The following IP6K3 variants were observed in gnomAD, a reference collection of about 807,000 sequenced individuals.
IP6K3 encodes the protein inositol hexakisphosphate kinase 3.
Under a neutral mutation model 28.8 loss-of-function variants are expected in IP6K3, and 20 were observed. That is an observed-to-expected ratio of 0.70 (90% CI 0.49 to 1.01). IP6K3 has a LOEUF of 1.01. IP6K3 is among the 50% of genes least tolerant of loss of function. IP6K3 has a pLI of 0.00. For missense variants in IP6K3, 480 were observed against 537.1 expected (o/e 0.89, Z 1.05); for synonymous variants, 213 against 221.3 (o/e 0.96, Z 0.33).
intron 1 of IP6K3, among the ~76,000 whole-genome samples, chr6:33,745,975 T>C (rs1766893727): frequency 6.6e-6 from 1 of 152,140 alleles, no homozygotes; most frequent in African/African-American, 2.4e-5. Context: ...GGGTAGCTTT[T>C]TAAAAATGTA....
intron 2 of IP6K3, among the ~76,000 whole-genome samples, chr6:33,732,842 C>T (rs376292275): frequency 3.3e-5 from 5 of 152,332 alleles, no homozygotes; most frequent in East Asian, 1.9e-4. Context: ...CCCGAGAGCC[C>T]TTTCAGGGAC....
In IP6K3 at chr6:33,735,341, G is replaced by A. The variant is rs772078720; in HGVS notation, c.136C>T (p.Arg46Trp). 21 of 1,607,380 alleles carry A rather than the reference G, an allele frequency of 1.3e-5. No individual in the cohort carries two copies. The highest frequency in any genetic ancestry group is 6.7e-5 in the Admixed American group (4 of 59,320). ...EHTVCKPLVS[R>W]EQRFYESLPL... The stretch of plus-strand genomic sequence containing the variant: ...AGGGATTCATAGAACCTCTGCTCCC[G>A]GGAGACGAGGGGCTTGCACACCGTA... The change falls in exon 2 of 6, where the codon CGG becomes TGG. Residue 46 changes from arginine to tryptophan, a missense_variant. Coordinates refer to ENST00000293756, the MANE Select transcript of IP6K3 (RefSeq NM_054111.5).
At position 33,728,237 on chromosome 6, in the gene IP6K3, AC is replaced by A. The variant is rs778427618; in HGVS notation, c.262del (p.Val88Ter). The A allele has an allele frequency of 9.3e-6, 15 of 1,613,964 alleles. No homozygotes were observed. The highest frequency in any genetic ancestry group is 1.3e-5 in the Non-Finnish European group (15 of 1,180,016). On this transcript the variant is annotated frameshift_variant, in exon 3 of 6. Coordinates refer to ENST00000293756, the MANE Select transcript of IP6K3 (RefSeq NM_054111.5). LOFTEE classifies it high-confidence loss of function. Reference protein sequence around the residue: ...TGHLSLVANPVKESQEPFKVS... With the variant: ...TGHLSLVANPXKESQEPFKVS... Reference sequence around the variant, plus strand: ...CTTGAAGGGCTCCTGGCTCTCCTTCACTGGGTTGGCAACCAAGCTGAGATGG... The same window carrying A: ...CTTGAAGGGCTCCTGGCTCTCCTTCATGGGTTGGCAACCAAGCTGAGATGG...
At chr6:33,761,286 T>A in the IP6K3 span, among the ~76,000 whole-genome samples, 1 of 152,032 alleles carries the variant, frequency 6.6e-6, no homozygotes, top group African/African-American at 2.4e-5. Context: ...CAGGGACCCA[T>A]GCCCTCTCTG....
At chr6:33,733,653 G>A (rs1416156028) in intron 2 of IP6K3, among the ~76,000 whole-genome samples, 3 of 152,262 alleles carry the variant, frequency 2.0e-5, no homozygotes, top group Non-Finnish European at 4.4e-5. Flanking sequence ...AAGATGGGAA[G>A]TGACCCCACA....
chr6:33,726,906 G>T lies in IP6K3; in HGVS notation c.414C>A (p.Ser138Arg), dbSNP rs1284490921. The T allele has an allele frequency of 6.3e-7, 1 of 1,597,494 alleles. No individual in the cohort carries two copies. The highest frequency in any genetic ancestry group is 1.7e-5 in the Admixed American group (1 of 59,504). Residue 138 changes from serine (S) to arginine (R), a missense_variant and splice_region_variant, in exon 4 of 6, where the codon AGC becomes AGA. Physicochemically the swap from Ser to Arg is moderately radical, Grantham distance 110. Coordinates refer to ENST00000293756, the MANE Select transcript of IP6K3 (RefSeq NM_054111.5). Reference protein sequence around the residue: ...HAQLARSPKESPAKALLRSEP... With the variant: ...HAQLARSPKERPAKALLRSEP... ...CGGACCTCAGAAGAGCCTTGGCCGG[G>T]CTGCGGCGGAGTGGAGCACAGGACG...
rs1196995106 is a variant in IP6K3 at position 33,721,679 on chromosome 6, A to C, written c.*1041T>G. 1 of 152,654 alleles carries C rather than the reference A, an allele frequency of 6.6e-6. No individual in the cohort carries two copies. The highest frequency in any genetic ancestry group is 1.5e-5 in the Non-Finnish European group (1 of 68,034). 9.5% of individuals were successfully genotyped at this position (152,654 alleles called of 1,614,324 possible). On this transcript the variant is annotated 3_prime_UTR_variant, in exon 6 of 6. Transcript: ENST00000293756. ...ACCAATAATCACTGGTGACCTCAGC[A>C]ATTTTATTAACAAATTTATTTCCCT...
At chr6:33,759,477 G>A in the IP6K3 span, among the ~76,000 whole-genome samples, 4 of 152,118 alleles carry the variant, frequency 2.6e-5, no homozygotes, top group South Asian at 2.1e-4. Context: ...CGATCCACCC[G>A]CCTTGGCCTC....
intron 1 of IP6K3, among the ~76,000 whole-genome samples, chr6:33,745,951 G>T (rs1766893096): frequency 1.3e-5 from 2 of 152,158 alleles, no homozygotes; most frequent in Admixed American, 1.3e-4. Flanking sequence ...ATAATAAAAG[G>T]TTAAAAAATA....
At chr6:33,736,380 T>C (rs935870402) in intron 1 of IP6K3, among the ~76,000 whole-genome samples, 1 of 151,970 alleles carries the variant, frequency 6.6e-6, no homozygotes, top group African/African-American at 2.4e-5. Flanking sequence ...GGATTATGGG[T>C]ACGGGAGTGC....
At chr6:33,733,519 G>A (rs1766394390) in intron 2 of IP6K3, among the ~76,000 whole-genome samples, 4 of 152,270 alleles carry the variant, frequency 2.6e-5, no homozygotes, top group Admixed American at 2.6e-4. Context: ...CAGCCCCAGA[G>A]CTGTGTGGAG....
At chr6:33,725,698 G>T (rs1766087139) in intron 4 of IP6K3, 82 bp from the exon 5 acceptor site, 2 of 1,315,630 alleles carry the variant, frequency 1.5e-6, no homozygotes, top group Admixed American at 3.9e-5. Context: ...CTCAGAAGCT[G>T]CCTGGAAATT....
At position 33,735,452 on chromosome 6, in the gene IP6K3, C is replaced by T. The variant is rs767115311; in HGVS notation, c.25G>A (p.Ala9Thr). ...TGCACGCCTGCCCTCATGTCCCCGG[C>T]GTCTGCGCTGTTTTGCACAACCATG... The part of the protein sequence containing the change: MVVQNSAD[A>T]GDMRAGVQLE... The change falls in exon 2 of 6, where the codon GCC becomes ACC. Residue 9 changes from alanine (A) to threonine (T), a missense_variant. Coordinates refer to ENST00000293756, the MANE Select transcript of IP6K3 (RefSeq NM_054111.5). 19 of 1,610,684 alleles carry T rather than the reference C, an allele frequency of 1.2e-5. No individual in the cohort carries two copies. The highest frequency in any genetic ancestry group is 3.3e-4 in the Middle Eastern group (2 of 6,082).
rs1766828009 is a variant in IP6K3, at chr6:33,744,210, A to G, written c.-180+2548T>C. On this transcript the variant is annotated intron_variant, in intron 1 of 5. Transcript: ENST00000293756. This position sits in a 1 kb window ranked among gnomAD's most constrained non-coding sequence, Gnocchi z 4.4. ...TCCCAGCCATGCTTTTCTCCTCCGG[A>G]CTTTGCCTCTTGAAGCTGCACCCAG... 6.6e-6 allele frequency among the ~76,000 whole-genome samples: 1 copy of G among 152,124 alleles called. No homozygotes were observed. The highest frequency in any genetic ancestry group is 2.4e-5 in the African/African-American group (1 of 41,408).
intron 2 of IP6K3, among the ~76,000 whole-genome samples, chr6:33,734,203 C>CAA (rs144943744): frequency 9.2e-6 from 1 of 108,540 alleles, no homozygotes; most frequent in Non-Finnish European, 1.8e-5. Context: ...AACTCCGTCT[C>CAA]AAAAAAAAAA....
chr6:33,751,520 T>TGTGTGTGTGTGTG (rs1561914794), upstream of IP6K3, among the ~76,000 whole-genome samples: 4 of 98,350 alleles, frequency 4.1e-5, no homozygotes, highest in African/African-American at 1.4e-4. This position sits in a 1 kb window ranked among gnomAD's most constrained non-coding sequence, Gnocchi z 4.3. Flanking sequence ...GTGTGTGTGT[T>TGTGTGTGTGTGTG]TGGCCCCGGG....
At chr6:33,750,254 A>C (rs537126032), upstream of IP6K3, among the ~76,000 whole-genome samples, 2 of 152,164 alleles carry the variant, frequency 1.3e-5, no homozygotes, top group Non-Finnish European at 1.5e-5. This position sits in a 1 kb window ranked among gnomAD's most constrained non-coding sequence, Gnocchi z 4.3. Flanking sequence ...CTGCTCCTAC[A>C]AGCCATTCTC....
the IP6K3 span, among the ~76,000 whole-genome samples, chr6:33,761,344 A>C: frequency 6.6e-6 from 1 of 152,018 alleles, no homozygotes; most frequent in Non-Finnish European, 1.5e-5. Flanking sequence ...CTGCTCTGAT[A>C]CAGCCTCCCC....
chr6:33,740,020 A>G (rs929328620), intron 1 of IP6K3, among the ~76,000 whole-genome samples: 2 of 152,202 alleles, frequency 1.3e-5, no homozygotes, highest in Admixed American at 6.5e-5. Context: ...ACCGACTTCC[A>G]TGAGTCAACT....
Sources: gnomAD v4.1 joint callset for allele counts (sites outside exome capture counted in the v4.1 genomes callset) on GRCh38, gnomAD v4.1.1 for gene constraint, Gnocchi (gnomAD v3.1) non-coding constraint, MANE v1.5 for transcripts, NCBI Gene and HGNC (gene_info 2026-07-23, HGNC 2026-07-21) for gene names.